CTNNA3: variants seen among roughly 807,000 people sequenced by gnomAD.
CTNNA3 encodes catenin alpha 3.
In CTNNA3, 76 loss-of-function variants were observed where a neutral mutation model predicts 95.7. That is an observed-to-expected ratio of 0.79 (90% CI 0.66 to 0.96). The LOEUF (loss-of-function observed/expected upper bound fraction) is 0.96, where lower values mean the gene tolerates loss of function less well. Ranked by LOEUF, CTNNA3 falls within the 40% of genes least tolerant of loss-of-function variation. CTNNA3 has a pLI of 0.00. For synonymous variants in CTNNA3, 431 were observed against 374.4 expected, an observed-to-expected ratio of 1.15 and a Z score of -1.74; for missense variants, 1,191 against 1,089.8, an observed-to-expected ratio of 1.09 and a Z score of -1.31.
chr10:66,816,235 A>AT (rs1269262740), intron 7 of CTNNA3, among the ~76,000 whole-genome samples: 4 of 152,280 alleles, frequency 2.6e-5, no homozygotes, highest in African/African-American at 9.6e-5. Flanking sequence ...TAGAAAATAC[A>AT]TATTTAATAC....
intron 11 of CTNNA3, among the ~76,000 whole-genome samples, chr10:66,493,196 A>T (rs938588514): frequency 6.6e-6 from 1 of 152,188 alleles, no homozygotes; most frequent in Non-Finnish European, 1.5e-5. Context: ...CAATTACAAA[A>T]CAGGAAACTA....
intron 7 of CTNNA3, chr10:67,098,290 C>G (rs1459599017): frequency 6.5e-6 from 1 of 153,948 alleles, no homozygotes; most frequent in African/African-American, 2.4e-5. Flanking sequence ...CTTTTGTGCC[C>G]AGAAACCTTG....
At chr10:66,871,286 C>G (rs1844392741) in intron 7 of CTNNA3, among the ~76,000 whole-genome samples, 1 of 152,010 alleles carries the variant, frequency 6.6e-6, no homozygotes, top group Non-Finnish European at 1.5e-5. Context: ...AGGCTGGGCG[C>G]GGTGGCTCAT....
chr10:67,236,384 C>T (rs1163005288), intron 5 of CTNNA3, among the ~76,000 whole-genome samples: 1 of 151,566 alleles, frequency 6.6e-6, no homozygotes, highest in Non-Finnish European at 1.5e-5. Flanking sequence ...AATTGGAAAT[C>T]ATCATTCTCA....
chr10:67,626,214 T>C (rs1158959860), intron 2 of CTNNA3, among the ~76,000 whole-genome samples: 1 of 152,126 alleles, frequency 6.6e-6, no homozygotes, highest in Non-Finnish European at 1.5e-5. Flanking sequence ...GAATTACTTA[T>C]TTTGAATTTA....
At chr10:66,825,493 G>A (rs892055399) in intron 7 of CTNNA3, among the ~76,000 whole-genome samples, 3 of 151,618 alleles carry the variant, frequency 2.0e-5, no homozygotes, top group Non-Finnish European at 1.5e-5. Context: ...GGCCAGGCTG[G>A]TCTCGAACTC....
In CTNNA3 at chr10:66,367,767, T is replaced by C. The variant is rs113891763; in HGVS notation, c.1732+11385A>G. ...GGTGGGGACTGGTAGAGTAATGCAT[T>C]TTACAGAGGATAGCGAATTGCTTTC... is the stretch of plus-strand genomic sequence containing the variant. On this transcript the variant is annotated intron_variant, in intron 12 of 17. Coordinates refer to ENST00000433211, the MANE Select transcript of CTNNA3 (RefSeq NM_013266.4). Among the ~76,000 whole-genome samples the C allele has an allele frequency of 6.8e-3, 1,015 of 148,814 alleles. 16 individuals carry two copies. Among genetic ancestry groups the C allele is most frequent in the African/African-American group, 0.024 (979 of 40,980 alleles).
At chr10:66,771,683 G>A (rs1840092063) in intron 8 of CTNNA3, among the ~76,000 whole-genome samples, 1 of 152,002 alleles carries the variant, frequency 6.6e-6, no homozygotes, top group Non-Finnish European at 1.5e-5. Flanking sequence ...GGGGGACAAA[G>A]ATAACAATAC....
Position 66,678,058 on chromosome 10 carries a change from C to T in CTNNA3, c.1282-56274G>A, listed in dbSNP as rs145089322. On this transcript the variant is annotated intron_variant, in intron 9 of 17. Transcript: ENST00000433211. Reference sequence around the variant, plus strand: ...ATTGCATTCAGCACTATAAACGGAACTCAATCTAAAGGTCCATCTTCCTTG... The same window carrying T: ...ATTGCATTCAGCACTATAAACGGAATTCAATCTAAAGGTCCATCTTCCTTG... Among the ~76,000 whole-genome samples, 20 of 152,282 alleles carry T rather than the reference C, an allele frequency of 1.3e-4. 1 individual carries two copies. The East Asian group carries it at 3.9e-3, about 29-fold the overall frequency.
At chr10:67,451,449 T>C (rs887687316) in intron 5 of CTNNA3, among the ~76,000 whole-genome samples, 22 of 151,554 alleles carry the variant, frequency 1.5e-4, no homozygotes, top group Admixed American at 1.4e-3. Context: ...TCTAGCTTAA[T>C]ATGTTGAATA....
rs563456306 is a variant in CTNNA3 at position 66,688,195 on chromosome 10, A to G, written c.1282-66411T>C. On this transcript the variant is annotated intron_variant, in intron 9 of 17. Coordinates refer to ENST00000433211, the MANE Select transcript of CTNNA3 (RefSeq NM_013266.4). Reference sequence around the variant, plus strand: ...AAAAGATGACTCAAGTATTTCCGTGAAGAAAATAAAAAGATCATGTCCACT... The same window carrying G: ...AAAAGATGACTCAAGTATTTCCGTGGAGAAAATAAAAAGATCATGTCCACT... Among the ~76,000 whole-genome samples the G allele has an allele frequency of 2.0e-5, 3 of 152,306 alleles. No homozygotes were observed. The South Asian group carries it at 6.2e-4, about 32-fold the overall frequency.
chr10:67,551,110 T>TC (rs1483852074), intron 3 of CTNNA3, among the ~76,000 whole-genome samples: 2 of 151,850 alleles, frequency 1.3e-5, no homozygotes, highest in African/African-American at 4.8e-5. Context: ...GGCCTGCCAC[T>TC]CCCCAGTCCT....
chr10:67,201,488 AG>A (rs1863646731), intron 6 of CTNNA3, among the ~76,000 whole-genome samples: 1 of 151,978 alleles, frequency 6.6e-6, no homozygotes, highest in South Asian at 2.1e-4. Flanking sequence ...TTATACTTTA[AG>A]TTTTAGGGTA....
At chr10:66,594,580 G>T (rs943921508) in intron 10 of CTNNA3, among the ~76,000 whole-genome samples, 1 of 152,072 alleles carries the variant, frequency 6.6e-6, no homozygotes, top group African/African-American at 2.4e-5. Flanking sequence ...TGTTTCTTCT[G>T]CCTGAAAAGC....
rs541805534 is a variant in CTNNA3, at chr10:66,548,667, CAATATTTTAGTATTTTGTAAAT to C, written c.1375-27916_1375-27895del. Among the ~76,000 whole-genome samples, 82 of 152,024 alleles carry C rather than the reference CAATATTTTAGTATTTTGTAAAT, an allele frequency of 5.4e-4. 1 individual carries two copies. Among genetic ancestry groups the C allele is most frequent in the African/African-American group, 2.0e-3 (82 of 41,472 alleles). ...TTCTGCATGTATTCAAGTGATCATCCAATATTTTAGTATTTTGTAAATTCATATGTTTAATTAAATCAATTAA... is the reference window on the plus strand; with the variant it reads ...TTCTGCATGTATTCAAGTGATCATCCTCATATGTTTAATTAAATCAATTAA... On this transcript the variant is annotated intron_variant, in intron 10 of 17. Coordinates refer to ENST00000433211, the MANE Select transcript of CTNNA3 (RefSeq NM_013266.4).
intron 14 of CTNNA3, among the ~76,000 whole-genome samples, chr10:66,089,028 G>A (rs1423319779): frequency 6.6e-6 from 1 of 151,796 alleles, no homozygotes; most frequent in African/African-American, 2.4e-5. Flanking sequence ...ATGGATGTTT[G>A]TCTTTATTTT....
intron 7 of CTNNA3, among the ~76,000 whole-genome samples, chr10:67,141,868 A>G (rs969547694): frequency 6.6e-6 from 1 of 151,920 alleles, no homozygotes. Context: ...TTTCTTATTT[A>G]TAGATTTTAG....
intron 5 of CTNNA3, among the ~76,000 whole-genome samples, chr10:67,329,272 G>C (rs998700516): frequency 1.3e-5 from 2 of 152,206 alleles, no homozygotes; most frequent in African/African-American, 4.8e-5. Flanking sequence ...TTGGAGTGCT[G>C]AGGCAGGAGG....
chr10:66,911,951 T>G (rs1454068894), intron 7 of CTNNA3, among the ~76,000 whole-genome samples: 1 of 152,170 alleles, frequency 6.6e-6, no homozygotes, highest in Non-Finnish European at 1.5e-5. Context: ...CTAGAGTATT[T>G]CAAAAGGAAA....
Sources: allele counts gnomAD v4.1 joint callset (sites outside exome capture counted in the v4.1 genomes callset), GRCh38; gene constraint gnomAD v4.1.1; transcripts MANE v1.5; gene names NCBI Gene and HGNC (gene_info 2026-07-23, HGNC 2026-07-21).